TNKS: variants seen among roughly 807,000 people sequenced by gnomAD.
TNKS encodes the protein tankyrase.
TNKS carries 72 observed loss-of-function variants against 135.8 expected under a neutral mutation model. That is an observed-to-expected ratio of 0.53 (90% confidence interval 0.44 to 0.64). The LOEUF (loss-of-function observed/expected upper bound fraction) is 0.64, where lower values mean the gene tolerates loss of function less well. Among genes scored for constraint, TNKS ranks in the 30% least tolerant of loss-of-function variants. The probability of loss-of-function intolerance (pLI) is 0.00; values close to 1 mark genes in which losing one functional copy is unlikely to be tolerated. For synonymous variants in TNKS, 849 were observed against 649.3 expected (o/e 1.31, Z -4.68); for missense variants, 1,769 against 1,674.0 (o/e 1.06, Z -0.99).
rs368113364 is a variant in TNKS, at chr8:9,772,809, T to TTGTGTGTGTGTGTGTGTG, written c.3897+2551_3897+2568dup. On this transcript the variant is annotated intron_variant, in intron 26 of 26. Coordinates refer to ENST00000310430, the MANE Select transcript of TNKS (RefSeq NM_003747.3). The stretch of plus-strand genomic sequence containing the variant: ...TTGGGGAGAATGTGTGTGTGTGTGT[T>TTGTGTGTGTGTGTGTGTG]TGTGTGTGTGTGTGTGTGTGTCTGT... Among the ~76,000 whole-genome samples the TTGTGTGTGTGTGTGTGTG allele has an allele frequency of 9.8e-4, 85 of 86,692 alleles. 1 individual carries two copies. Among genetic ancestry groups the TTGTGTGTGTGTGTGTGTG allele is most frequent in the African/African-American group, 3.5e-3 (84 of 23,928 alleles). The allele number at this position is 86,692 out of a possible 152,430, so 56.9% of individuals were successfully genotyped here.
intron 3 of TNKS, among the ~76,000 whole-genome samples, chr8:9,668,284 A>T (rs1802096573): frequency 6.6e-6 from 1 of 152,214 alleles, no homozygotes; most frequent in Non-Finnish European, 1.5e-5. Flanking sequence ...GATGGTTCCT[A>T]ACCTTTTTTG....
intron 18 of TNKS, 39 bp downstream of exon 18, chr8:9,748,251 A>G (rs113022912): frequency 0.017 from 23,578 of 1,398,840 alleles, 250 homozygotes; most frequent in Non-Finnish European, 0.019. Flanking sequence ...TGTTCCTTCT[A>G]CTTTCACAGA....
chr8:9,658,356 G>A (rs960466649), intron 3 of TNKS: 198 of 1,182,726 alleles, frequency 1.7e-4, no homozygotes, highest in African/African-American at 1.4e-3. Context: ...CCCAGGCGGC[G>A]CTCGCCGGCG....
intron 2 of TNKS, among the ~76,000 whole-genome samples, chr8:9,586,047 C>T (rs1798368544): frequency 6.6e-6 from 1 of 152,038 alleles, no homozygotes; most frequent in Non-Finnish European, 1.5e-5. Flanking sequence ...CACCCTTGTA[C>T]AATAGCTGTA....
intron 3 of TNKS, 47 bp from the exon 4 acceptor site, chr8:9,679,904 C>T (rs767710555): frequency 6.6e-7 from 1 of 1,510,658 alleles, no homozygotes; most frequent in East Asian, 2.3e-5. Context: ...ATTTCTTAAT[C>T]TGTCTTCTGC....
intron 1 of TNKS, among the ~76,000 whole-genome samples, chr8:9,570,586 T>C (rs1797719418): frequency 1.3e-5 from 2 of 152,330 alleles, no homozygotes; most frequent in African/African-American, 4.8e-5. Context: ...CAGCAACCTC[T>C]ACCTGGCAAC....
Position 9,777,156 on chromosome 8 carries a change from T to C in TNKS, c.*420T>C, listed in dbSNP as rs1218517232. The C allele has an allele frequency of 1.2e-5, 2 of 161,658 alleles. No homozygotes were observed. Among genetic ancestry groups the C allele is most frequent in the East Asian group, 1.8e-4 (1 of 5,594 alleles). 10.0% of individuals were successfully genotyped at this position (161,658 alleles called of 1,614,324 possible). Reference sequence around the variant, plus strand: ...ACAGGCAACAAGCTTGTTTTTGATTTGCCAGACATGCATCATTGGCTATTG... The same window carrying C: ...ACAGGCAACAAGCTTGTTTTTGATTCGCCAGACATGCATCATTGGCTATTG... On this transcript the variant is annotated 3_prime_UTR_variant, in exon 27 of 27. Coordinates refer to ENST00000310430, the MANE Select transcript of TNKS (RefSeq NM_003747.3).
intron 16 of TNKS, 51 bp from the exon 17 acceptor site, chr8:9,735,326 T>A (rs773873863): frequency 6.5e-7 from 1 of 1,528,212 alleles, no homozygotes; most frequent in African/African-American, 1.4e-5. Context: ...ATGTATGTAT[T>A]TTTTTTCCTT....
At chr8:9,584,285 C>G (rs1798286545) in intron 2 of TNKS, among the ~76,000 whole-genome samples, 1 of 151,922 alleles carries the variant, frequency 6.6e-6, no homozygotes, top group African/African-American at 2.4e-5. Flanking sequence ...TGTGGGCACT[C>G]CTTGCTGAGA....
chr8:9,595,973 G>T (rs964824923), intron 2 of TNKS, among the ~76,000 whole-genome samples: 1 of 152,078 alleles, frequency 6.6e-6, no homozygotes, highest in Admixed American at 6.5e-5. Flanking sequence ...TTAGCTGGGG[G>T]TGGTGGCACA....
intron 12 of TNKS, among the ~76,000 whole-genome samples, chr8:9,723,922 C>G (rs12676827): frequency 0.7 from 106,591 of 152,050 alleles, 37,905 homozygotes; most frequent in Admixed American, 0.8. Context: ...GCTTATGATA[C>G]CTAAATTAAA....
Position 9,619,974 on chromosome 8 carries a change from G to A in TNKS, c.994+4297G>A, listed in dbSNP as rs1185948004. On this transcript the variant is annotated intron_variant, in intron 3 of 26. Coordinates refer to ENST00000310430, the MANE Select transcript of TNKS (RefSeq NM_003747.3). ...TTTATTTATTTTTTTTTTTTGCGAC[G>A]GAGTCTCACTCTGTCGCCAGGTTGG... is the stretch of plus-strand genomic sequence containing the variant. Among the ~76,000 whole-genome samples, 11 of 148,672 alleles carry A rather than the reference G, an allele frequency of 7.4e-5. No individual in the cohort carries two copies. In the East Asian group the frequency reaches 1.2e-3, roughly 16 times the overall value.
At chr8:9,755,069 C>T (rs1244243952) in intron 20 of TNKS, among the ~76,000 whole-genome samples, 2 of 152,166 alleles carry the variant, frequency 1.3e-5, no homozygotes, top group Non-Finnish European at 2.9e-5. Flanking sequence ...TTAACTCAAA[C>T]AAATAATTCC....
intron 3 of TNKS, among the ~76,000 whole-genome samples, chr8:9,651,366 T>C (rs751927585): frequency 5.3e-5 from 8 of 152,188 alleles, no homozygotes; most frequent in Non-Finnish European, 1.0e-4. Context: ...GATTGACATA[T>C]GCATATGTCT....
intron 17 of TNKS, among the ~76,000 whole-genome samples, chr8:9,740,318 C>A (rs1805873224): frequency 6.6e-6 from 1 of 152,168 alleles, no homozygotes; most frequent in Non-Finnish European, 1.5e-5. Flanking sequence ...GGTGTTCTCA[C>A]AGTTGGAATC....
chr8:9,572,709 T>C (rs974632282), intron 1 of TNKS, among the ~76,000 whole-genome samples: 1 of 152,214 alleles, frequency 6.6e-6, no homozygotes, highest in Non-Finnish European at 1.5e-5. Context: ...CTCTATAATT[T>C]TGAGGCTGCC....
At chr8:9,774,303 G>A (rs761759839) in intron 26 of TNKS, among the ~76,000 whole-genome samples, 4 of 152,148 alleles carry the variant, frequency 2.6e-5, no homozygotes, top group Non-Finnish European at 5.9e-5. Flanking sequence ...AGAATAGAAT[G>A]ATTTCTAAAA....
At chr8:9,588,189 C>G (rs1206456776) in intron 2 of TNKS, among the ~76,000 whole-genome samples, 1 of 152,056 alleles carries the variant, frequency 6.6e-6, no homozygotes, top group Non-Finnish European at 1.5e-5. Flanking sequence ...TCCTTATACA[C>G]TTGTTTAAAC....
chr8:9,690,526 G>A (rs1490274918), intron 5 of TNKS, among the ~76,000 whole-genome samples: 3 of 152,060 alleles, frequency 2.0e-5, no homozygotes, highest in Non-Finnish European at 4.4e-5. Flanking sequence ...TTGGGAGACC[G>A]AGGCGGGTGG....
Sources: gnomAD v4.1 joint callset for allele counts (sites outside exome capture counted in the v4.1 genomes callset) on GRCh38, gnomAD v4.1.1 for gene constraint, MANE v1.5 for transcripts, NCBI Gene and HGNC (gene_info 2026-07-23, HGNC 2026-07-21) for gene names.